The following SPIRE2 variants were observed in gnomAD, a reference collection of about 807,000 sequenced individuals.
SPIRE2 encodes the protein protein spire homolog 2.
Under a neutral mutation model 80.7 loss-of-function variants are expected in SPIRE2, and 76 were observed. That is an observed-to-expected ratio of 0.94 (90% CI 0.78 to 1.14). The LOEUF is 1.14. SPIRE2 is among the 50% of genes most tolerant of loss of function. The probability of loss-of-function intolerance (pLI) is 0.00; values close to 1 mark genes in which losing one functional copy is unlikely to be tolerated. For synonymous variants in SPIRE2, 535 were observed against 432.6 expected, an observed-to-expected ratio of 1.24 and a Z score of -2.94; for missense variants, 1,196 against 1,015.3, an observed-to-expected ratio of 1.18 and a Z score of -2.42.
chr16:89,853,024 G>A (rs976472380), intron 3 of SPIRE2, among the ~76,000 whole-genome samples: 2 of 151,598 alleles, frequency 1.3e-5, no homozygotes, highest in Admixed American at 6.6e-5. Flanking sequence ...AGATCCCATG[G>A]CCCATCTTCC....
At chr16:89,865,734 C>G (rs995522694) in intron 12 of SPIRE2, among the ~76,000 whole-genome samples, 1 of 151,274 alleles carries the variant, frequency 6.6e-6, no homozygotes, top group Non-Finnish European at 1.5e-5. Context: ...TTTGGGAGGC[C>G]AACGCTGGCA....
chr16:89,845,389 A>G (rs1377487336), intron 2 of SPIRE2, 24 bp downstream of exon 2: 2 of 1,596,424 alleles, frequency 1.3e-6, no homozygotes, highest in African/African-American at 1.3e-5. Flanking sequence ...AATTCCAAGT[A>G]TTACTTGATG....
chr16:89,869,053 A>AAAAAAATATATATATATATAT, intron 13 of SPIRE2, among the ~76,000 whole-genome samples: 2 of 24,026 alleles, frequency 8.3e-5, no homozygotes, highest in Admixed American at 6.5e-4. Flanking sequence ...AAAAAAAAAA[A>AAAAAAATATATATATATATAT]ATATATATAT....
At chr16:89,853,678 T>C (rs935836522) in intron 3 of SPIRE2, among the ~76,000 whole-genome samples, 1 of 151,968 alleles carries the variant, frequency 6.6e-6, no homozygotes, top group Non-Finnish European at 1.5e-5. Context: ...AGTTGGGACT[T>C]CGTGACAGCA....
At position 89,854,503 on chromosome 16, in the gene SPIRE2, A is replaced by T; in HGVS notation, c.743A>T (p.Gln248Leu). The T allele has an allele frequency of 6.2e-7, 1 of 1,612,526 alleles. No homozygotes were observed. Among genetic ancestry groups the T allele is most frequent in the Non-Finnish European group, 8.5e-7 (1 of 1,179,786 alleles). Reference protein sequence around the residue: ...GHTDWARLWVQLMRELRRGVK... With the variant: ...GHTDWARLWVLLMRELRRGVK... ...GGGGCCCAGGCCCGACTGTGGGTTCAGCTCATGCGGGAGCTCCGCCGCGGA... is the reference window on the plus strand; with the variant it reads ...GGGGCCCAGGCCCGACTGTGGGTTCTGCTCATGCGGGAGCTCCGCCGCGGA... The change falls in exon 5 of 15, where the codon CAG becomes CTG. Residue 248 changes from glutamine to leucine, a missense_variant. Physicochemically the swap from Gln to Leu is moderately radical, Grantham distance 113 (BLOSUM62 -2). Coordinates refer to ENST00000378247, the MANE Select transcript of SPIRE2 (RefSeq NM_032451.2).
chr16:89,859,124 C>G (rs548092413), intron 8 of SPIRE2, 41 bp from the exon 9 acceptor site: 1 of 1,484,334 alleles, frequency 6.7e-7, no homozygotes, highest in Non-Finnish European at 9.1e-7. Flanking sequence ...GAGGCACTGG[C>G]GGGCATTGTC....
Position 89,870,177 on chromosome 16 carries a change from C to G in SPIRE2, c.2050C>G (p.Arg684Gly), listed in dbSNP as rs558310194. 1 of 1,610,742 alleles carries G rather than the reference C, an allele frequency of 6.2e-7. No individual in the cohort carries two copies. The highest frequency in any genetic ancestry group is 1.1e-5 in the South Asian group (1 of 90,372). Residue 684 changes from arginine (R) to glycine (G), a missense_variant, in exon 15 of 15, where the codon CGC becomes GGC. Coordinates refer to ENST00000378247, the MANE Select transcript of SPIRE2 (RefSeq NM_032451.2). ...TGTGGCAGACGTGGTGCGTTCCAGCCGCAAGAGCGTGGACGTCCTCAACAC... is the reference window on the plus strand; with the variant it reads ...TGTGGCAGACGTGGTGCGTTCCAGCGGCAAGAGCGTGGACGTCCTCAACAC... ...SFVADVVRSS[R>G]KSVDVLNTTP...
At chr16:89,868,384 C>T (rs1050091829) in intron 13 of SPIRE2, among the ~76,000 whole-genome samples, 168 bp downstream of exon 13, 13 of 152,210 alleles carry the variant, frequency 8.5e-5, no homozygotes, top group African/African-American at 3.1e-4. Flanking sequence ...TTTAAAGACC[C>T]TTACAGGTTT....
chr16:89,829,512 G>A lies in SPIRE2; in HGVS notation c.244+718G>A, dbSNP rs761026199. On this transcript the variant is annotated intron_variant, in intron 1 of 14. Transcript: ENST00000378247. ...TGACCCCAAAAGCTGGTACCCTGCC[G>A]GGGGGCAGAGGCAGGCTGTGTGTTT... Among the ~76,000 whole-genome samples the A allele has an allele frequency of 1.7e-3, 254 of 152,332 alleles. 3 individuals are homozygous for A. Among genetic ancestry groups the A allele is most frequent in the Non-Finnish European group, 2.6e-3 (179 of 68,024 alleles).
At chr16:89,832,244 C>T (rs991100109) in intron 1 of SPIRE2, among the ~76,000 whole-genome samples, 4 of 152,222 alleles carry the variant, frequency 2.6e-5, no homozygotes, top group African/African-American at 9.6e-5. Context: ...CGAGGAGCAC[C>T]GTGGCCTCGA....
intron 3 of SPIRE2, among the ~76,000 whole-genome samples, chr16:89,851,811 G>T (rs1474247250): frequency 6.6e-6 from 1 of 152,206 alleles, no homozygotes; most frequent in East Asian, 1.9e-4. Context: ...GTGGCAGAAG[G>T]TGTTTTCGAA....
rs563427415 is a variant in SPIRE2 at position 89,847,692 on chromosome 16, C to T, written c.288+2327C>T. On this transcript the variant is annotated intron_variant, in intron 2 of 14. Transcript: ENST00000378247. ...CAGGTGTCCTGGGCTGGCAGTACTG[C>T]CCACCTGCTGCCCCAGGCCTGCACC... Among the ~76,000 whole-genome samples, 5 of 152,336 alleles carry T rather than the reference C, an allele frequency of 3.3e-5. No homozygotes were observed. In the South Asian group the frequency reaches 1.0e-3, roughly 32 times the overall value.
At chr16:89,858,675 C>T (rs577644895) in intron 8 of SPIRE2, among the ~76,000 whole-genome samples, 168 bp downstream of exon 8, 1 of 152,314 alleles carries the variant, frequency 6.6e-6, no homozygotes, top group East Asian at 1.9e-4. Context: ...CTGTGGGGAT[C>T]GGGGACCCTG....
intron 12 of SPIRE2, among the ~76,000 whole-genome samples, 161 bp from the exon 13 acceptor site, chr16:89,868,028 A>T (rs1441149892): frequency 6.6e-6 from 1 of 152,240 alleles, no homozygotes; most frequent in Non-Finnish European, 1.5e-5. Context: ...TATAAAGAAA[A>T]GCAAGATTTT....
chr16:89,860,700 G>C lies in SPIRE2; in HGVS notation c.1480G>C (p.Val494Leu). The C allele has an allele frequency of 6.3e-7, 1 of 1,592,864 alleles. No individual in the cohort carries two copies. Residue 494 changes from valine to leucine, a missense_variant, in exon 10 of 15, where the codon GTC becomes CTC. Transcript: ENST00000378247. ...SRDQGTCPAS[V>L]SDPSHPLLSN... is the part of the protein sequence containing the mutation. ...TCCCCCAGGTACCTGTCCCGCGAGT[G>C]TCTCTGACCCCAGCCACCCCCTACT... is the stretch of plus-strand genomic sequence containing the variant.
Position 89,828,684 on chromosome 16 carries a change from T to C in SPIRE2, c.134T>C (p.Phe45Ser). Reference protein sequence around the residue: ...LNEEQAWAVCFQGCRGLRGSP... With the variant: ...LNEEQAWAVCSQGCRGLRGSP... ...GAGGAGCAGGCGTGGGCCGTGTGCT[T>C]CCAGGGCTGCCGCGGGCTGCGGGGC... The change falls in exon 1 of 15, where the codon TTC becomes TCC. Residue 45 changes from phenylalanine (F) to serine (S), a missense_variant. Physicochemically the swap from Phe to Ser is radical, Grantham distance 155. Transcript: ENST00000378247. The surrounding 1 kb of genome is among the most constrained non-coding windows in gnomAD (Gnocchi z 5.9). 7.6e-7 allele frequency: 1 copy of C among 1,317,072 alleles called. No homozygotes were observed. The highest frequency in any genetic ancestry group is 9.7e-7 in the Non-Finnish European group (1 of 1,028,322). The allele number at this position is 1,317,072 out of a possible 1,614,324, so 81.6% of individuals were successfully genotyped here.
chr16:89,862,579 T>G (rs2041754172), intron 10 of SPIRE2: 1 of 152,254 alleles, frequency 6.6e-6, no homozygotes, highest in Non-Finnish European at 1.5e-5. Flanking sequence ...GTCACACCTG[T>G]GGCACCTGAG....
At chr16:89,834,431 C>T in intron 1 of SPIRE2, among the ~76,000 whole-genome samples, 2 of 133,634 alleles carry the variant, frequency 1.5e-5, no homozygotes, top group African/African-American at 5.3e-5. Context: ...CGCGGTTGGC[C>T]ATCGTAGAAG....
chr16:89,851,066 C>A (rs1255551281), intron 3 of SPIRE2, among the ~76,000 whole-genome samples: 1 of 152,128 alleles, frequency 6.6e-6, no homozygotes, highest in African/African-American at 2.4e-5. Context: ...GGTGATCCAT[C>A]TGCGTCGGCC....
Sources: allele counts gnomAD v4.1 joint callset (sites outside exome capture counted in the v4.1 genomes callset), GRCh38; gene constraint gnomAD v4.1.1; non-coding constraint Gnocchi (gnomAD v3.1); transcripts MANE v1.5; gene names NCBI Gene and HGNC (gene_info 2026-07-23, HGNC 2026-07-21).